The following WDR12 variants were observed in gnomAD, a reference collection of about 807,000 sequenced individuals.
WDR12 encodes the protein ribosome biogenesis protein WDR12.
Under a neutral mutation model 64.3 loss-of-function variants are expected in WDR12, and 42 were observed. That is an observed-to-expected ratio of 0.65 (90% confidence interval 0.51 to 0.84). The LOEUF is 0.84. WDR12 is among the 40% of genes least tolerant of loss of function. WDR12 has a pLI of 0.00. For synonymous variants in WDR12, 158 were observed against 173.3 expected (o/e 0.91, Z 0.70); for missense variants, 469 against 494.6 (o/e 0.95, Z 0.49).
chr2:202,888,196 C>A (rs1462828826), intron 8 of WDR12, among the ~76,000 whole-genome samples: 1 of 152,034 alleles, frequency 6.6e-6, no homozygotes, highest in African/African-American at 2.4e-5. Context: ...TGAAAAGGGC[C>A]CGATACAAAA....
At chr2:202,897,922 TATAA>T (rs1356510236) in intron 4 of WDR12, among the ~76,000 whole-genome samples, 6 of 130,764 alleles carry the variant, frequency 4.6e-5, no homozygotes, top group East Asian at 2.1e-4. Context: ...TATATATATA[TATAA>T]AAAATATATA....
At chr2:202,909,002 T>C (rs1039589040) in intron 1 of WDR12, among the ~76,000 whole-genome samples, 17 of 152,194 alleles carry the variant, frequency 1.1e-4, no homozygotes, top group African/African-American at 4.1e-4. Flanking sequence ...TAATTTCACA[T>C]CCACTAGGGT....
At chr2:202,911,317 A>T (rs954356387) in intron 1 of WDR12, 119 bp downstream of exon 1, 2 of 940,054 alleles carry the variant, frequency 2.1e-6, no homozygotes, top group African/African-American at 3.2e-5. Flanking sequence ...GAAAGCAGGT[A>T]ATCTCAGAAA....
intron 3 of WDR12, among the ~76,000 whole-genome samples, chr2:202,900,291 T>G (rs1432710460): frequency 6.7e-6 from 1 of 148,832 alleles, no homozygotes; most frequent in Non-Finnish European, 1.5e-5. Context: ...ACTGTGCCAT[T>G]GCACTCCAGC....
intron 4 of WDR12, 152 bp from the exon 5 acceptor site, chr2:202,897,567 C>G: frequency 2.4e-6 from 1 of 421,978 alleles, no homozygotes; most frequent in East Asian, 3.8e-5. Flanking sequence ...TAGATCAGAT[C>G]ACTTGACGTT....
intron 8 of WDR12, among the ~76,000 whole-genome samples, chr2:202,890,605 A>C (rs1425369059): frequency 3.3e-5 from 5 of 151,354 alleles, no homozygotes; most frequent in African/African-American, 1.2e-4. Context: ...CCGTCTCTAC[A>C]AAAAAAATAC....
Position 202,882,715 on chromosome 2 carries a change from G to C in WDR12, c.1190C>G (p.Thr397Arg). The C allele has an allele frequency of 1.2e-6, 2 of 1,613,428 alleles. No homozygotes were observed. Among genetic ancestry groups the C allele is most frequent in the Non-Finnish European group, 1.7e-6 (2 of 1,179,464 alleles). ...DKVLSVDWTD[T>R]GLLLSGGADN... is the part of the protein sequence containing the mutation. Reference sequence around the variant, plus strand: ...AAATAACTAATAAATTCTTACCCCTGTGTCTGTCCAGTCTACACTCAGAAC... The same window carrying C: ...AAATAACTAATAAATTCTTACCCCTCTGTCTGTCCAGTCTACACTCAGAAC... The change falls in exon 12 of 13, where the codon ACA (threonine) becomes AGA (arginine). Residue 397 changes from threonine (T) to arginine (R), a missense_variant. Thr to Arg is a moderately conservative substitution (Grantham distance 71, BLOSUM62 -1). Coordinates refer to ENST00000261015, the MANE Select transcript of WDR12 (RefSeq NM_018256.4).
At chr2:202,887,127 G>A (rs1820930) in intron 8 of WDR12, among the ~76,000 whole-genome samples, 59,739 of 152,040 alleles carry the variant, frequency 0.39, 13,256 homozygotes, top group Middle Eastern at 0.65. Context: ...AGGTTCAAGC[G>A]ACTCTCCTGC....
At chr2:202,911,384 G>T (rs538573549) in intron 1 of WDR12, 52 bp downstream of exon 1, 2 of 1,574,180 alleles carry the variant, frequency 1.3e-6, no homozygotes, top group Non-Finnish European at 1.7e-6. Flanking sequence ...TACCAAAGGG[G>T]TGGTCGGAAA....
At chr2:202,897,559 G>C in intron 4 of WDR12, 144 bp from the exon 5 acceptor site, 1 of 433,870 alleles carries the variant, frequency 2.3e-6, no homozygotes, top group Admixed American at 4.6e-5. Flanking sequence ...AGCCATACTA[G>C]ATCAGATCAC....
chr2:202,895,494 T>C (rs1386570794), intron 6 of WDR12, among the ~76,000 whole-genome samples: 4 of 151,384 alleles, frequency 2.6e-5, no homozygotes, highest in Non-Finnish European at 5.9e-5. Context: ...TATAAATGAA[T>C]GGCTTGTTTA....
intron 6 of WDR12, among the ~76,000 whole-genome samples, chr2:202,895,542 A>T (rs1688222673): frequency 1.7e-5 from 2 of 120,454 alleles, no homozygotes; most frequent in Admixed American, 9.7e-5. Flanking sequence ...TTTTTTTGAG[A>T]CTGAGTTTCA....
intron 11 of WDR12, among the ~76,000 whole-genome samples, chr2:202,883,020 AATTT>A (rs1284955160): frequency 6.6e-6 from 1 of 152,196 alleles, no homozygotes; most frequent in Non-Finnish European, 1.5e-5. Context: ...TCATTTTAAG[AATTT>A]ATTTATAATT....
At chr2:202,892,743 A>G in intron 7 of WDR12, 41 bp from the exon 8 acceptor site, 3 of 1,437,588 alleles carry the variant, frequency 2.1e-6, no homozygotes, top group Non-Finnish European at 2.0e-6. Flanking sequence ...TAAAAACAGT[A>G]TTAATCGTGA....
intron 1 of WDR12, among the ~76,000 whole-genome samples, chr2:202,910,388 T>C (rs1282423760): frequency 6.6e-6 from 1 of 152,036 alleles, no homozygotes; most frequent in Non-Finnish European, 1.5e-5. Context: ...CCAGGCTTGG[T>C]GGCACATGCC....
In WDR12 at chr2:202,896,217, T is replaced by G. The variant is rs146618179; in HGVS notation, c.457A>C (p.Ser153Arg). 6.2e-7 allele frequency: 1 copy of G among 1,612,964 alleles called. No individual in the cohort carries two copies. Among genetic ancestry groups the G allele is most frequent in the South Asian group, 1.1e-5 (1 of 90,808 alleles). Reference protein sequence around the residue: ...VKDVAWVKKDSLSCLLLSASM... With the variant: ...VKDVAWVKKDRLSCLLLSASM... ...GCACTCAATAATAAGCAGGACAAAC[T>G]ATCTGGAGAAAGGAGAACACAAGAA... The change falls in exon 6 of 13, where the codon AGT becomes CGT. Residue 153 changes from serine (S) to arginine (R), a missense_variant and splice_region_variant. Ser to Arg is a moderately radical substitution (Grantham distance 110, BLOSUM62 -1). Coordinates refer to ENST00000261015, the MANE Select transcript of WDR12 (RefSeq NM_018256.4).
chr2:202,896,082 C>T lies in WDR12; in HGVS notation c.592G>A (p.Asp198Asn). ...CTACTTACTTTAGTTCCTGAGCCAT[C>T]AACAGCTATAGAATCTACACTTCCA... Reference protein sequence around the residue: ...HAGSVDSIAVDGSGTKFCSGS... With the variant: ...HAGSVDSIAVNGSGTKFCSGS... The change falls in exon 6 of 13, where the codon GAT (aspartate) becomes AAT (asparagine). Residue 198 changes from aspartate to asparagine, a missense_variant. By Grantham distance (23) the Asp-to-Asn change is conservative. Transcript: ENST00000261015. The T allele has an allele frequency of 6.2e-7, 1 of 1,612,684 alleles. No individual in the cohort carries two copies. The highest frequency in any genetic ancestry group is 8.5e-7 in the Non-Finnish European group (1 of 1,179,654).
At chr2:202,888,625 T>C (rs1181176174) in intron 8 of WDR12, among the ~76,000 whole-genome samples, 2 of 152,206 alleles carry the variant, frequency 1.3e-5, no homozygotes, top group African/African-American at 2.4e-5. Flanking sequence ...CATTAACACA[T>C]TTCAGGCAGT....
intron 12 of WDR12, among the ~76,000 whole-genome samples, chr2:202,882,484 A>G (rs1032250909): frequency 6.6e-6 from 1 of 152,008 alleles, no homozygotes; most frequent in African/African-American, 2.4e-5. Flanking sequence ...GCCCGCCACC[A>G]TGCCCGGCTA....
Sources: allele counts gnomAD v4.1 joint callset (sites outside exome capture counted in the v4.1 genomes callset), GRCh38; gene constraint gnomAD v4.1.1; transcripts MANE v1.5; gene names NCBI Gene and HGNC (gene_info 2026-07-23, HGNC 2026-07-21).